NFE2L3: variants seen among roughly 807,000 people sequenced by gnomAD.
The protein encoded by NFE2L3 is NFE2 like bZIP transcription factor 3.
Under a neutral mutation model 23.5 loss-of-function variants are expected in NFE2L3, and 18 were observed. The observed-to-expected ratio is 0.77, with a 90% CI of 0.53 to 1.13. NFE2L3 has a LOEUF of 1.13. NFE2L3 is among the 50% of genes most tolerant of loss of function. The pLI, the probability that NFE2L3 is intolerant of heterozygous loss-of-function variation, is 0.00. For synonymous variants in NFE2L3, 424 were observed against 354.5 expected (o/e 1.20, Z -2.20); for missense variants, 1,152 against 877.2 (o/e 1.31, Z -3.96).
At chr7:26,184,076 A>C (rs1782409508) in intron 3 of NFE2L3, 1 of 428,214 alleles carries the variant, frequency 2.3e-6, no homozygotes, top group Non-Finnish European at 4.2e-6. Flanking sequence ...TATCAAAGGG[A>C]CACCTGCACC....
intron 1 of NFE2L3, among the ~76,000 whole-genome samples, chr7:26,170,163 TG>T (rs1293139771): frequency 1.3e-5 from 2 of 152,184 alleles, no homozygotes; most frequent in African/African-American, 4.8e-5. Flanking sequence ...GTGTCAGAGC[TG>T]GAAGGGGCCC....
At chr7:26,163,401 CA>C (rs1784201352) in intron 1 of NFE2L3, among the ~76,000 whole-genome samples, 1 of 152,154 alleles carries the variant, frequency 6.6e-6, no homozygotes, top group Non-Finnish European at 1.5e-5. Flanking sequence ...GGCTGGGGTG[CA>C]ATGGCGCGAT....
At chr7:26,166,034 G>A (rs1219699938) in intron 1 of NFE2L3, among the ~76,000 whole-genome samples, 1 of 151,304 alleles carries the variant, frequency 6.6e-6, no homozygotes, top group Non-Finnish European at 1.5e-5. Context: ...TGATAAAGTA[G>A]TATTCAAGCA....
intron 3 of NFE2L3, chr7:26,184,169 T>C: frequency 3.0e-6 from 1 of 335,462 alleles, no homozygotes; most frequent in Non-Finnish European, 5.5e-6. Flanking sequence ...TCCTCCAGAC[T>C]ACTTCACTGT....
At chr7:26,178,807 C>T (rs1784459316) in intron 2 of NFE2L3, among the ~76,000 whole-genome samples, 1 of 152,248 alleles carries the variant, frequency 6.6e-6, no homozygotes. Context: ...CAAACAGGCA[C>T]TCGAGATATT....
At chr7:26,183,453 C>G (rs1782381891) in intron 2 of NFE2L3, among the ~76,000 whole-genome samples, 1 of 150,026 alleles carries the variant, frequency 6.7e-6, no homozygotes, top group African/African-American at 2.4e-5. Context: ...GAGGCTAAGG[C>G]AGGAGAATCC....
intron 2 of NFE2L3, among the ~76,000 whole-genome samples, chr7:26,181,341 G>A (rs1784504966): frequency 6.6e-6 from 1 of 152,104 alleles, no homozygotes; most frequent in Admixed American, 6.5e-5. Flanking sequence ...CTTAGTAGGT[G>A]CTTTTAAAGC....
Position 26,152,214 on chromosome 7 carries a change from G to C in NFE2L3, c.-285G>C. On this transcript the variant is annotated 5_prime_UTR_variant, in exon 1 of 4. Transcript: ENST00000056233. This position sits in a 1 kb window ranked among gnomAD's most constrained non-coding sequence, Gnocchi z 4.4. Reference sequence around the variant, plus strand: ...GCCGGGGGCGGAGCTTGGCCACCGCGCCGGGCTGCGGGCGGCTGGGCGAAC... The same window carrying C: ...GCCGGGGGCGGAGCTTGGCCACCGCCCCGGGCTGCGGGCGGCTGGGCGAAC... 1 of 180,646 alleles carries C rather than the reference G, an allele frequency of 5.5e-6. No homozygotes were observed. 11.2% of individuals were successfully genotyped at this position (180,646 alleles called of 1,614,324 possible).
intron 1 of NFE2L3, among the ~76,000 whole-genome samples, chr7:26,159,652 C>A (rs1197397069): frequency 6.6e-6 from 1 of 152,152 alleles, no homozygotes; most frequent in Non-Finnish European, 1.5e-5. Flanking sequence ...GAAAGTAGGT[C>A]AGATCTGAAA....
intron 1 of NFE2L3, among the ~76,000 whole-genome samples, chr7:26,171,968 T>C (rs896561840): frequency 6.6e-6 from 1 of 152,270 alleles, no homozygotes; most frequent in Non-Finnish European, 1.5e-5. Flanking sequence ...TGACTGACTG[T>C]ATCTCAAATA....
intron 2 of NFE2L3, among the ~76,000 whole-genome samples, chr7:26,181,399 T>C (rs1784506549): frequency 6.6e-6 from 1 of 152,154 alleles, no homozygotes; most frequent in African/African-American, 2.4e-5. Flanking sequence ...TCACTGGCAT[T>C]TCCATTCTTC....
chr7:26,155,912 C>T (rs1331068278), intron 1 of NFE2L3, among the ~76,000 whole-genome samples: 1 of 152,110 alleles, frequency 6.6e-6, no homozygotes, highest in Non-Finnish European at 1.5e-5. Flanking sequence ...GTGGGAAAAG[C>T]CCATGGGAAG....
chr7:26,169,120 G>A (rs1424572743), intron 1 of NFE2L3, among the ~76,000 whole-genome samples: 1 of 152,134 alleles, frequency 6.6e-6, no homozygotes, highest in East Asian at 1.9e-4. Flanking sequence ...AATTCCGTAG[G>A]CCTTTTTTAC....
chr7:26,170,199 C>A (rs1223915672), intron 1 of NFE2L3, among the ~76,000 whole-genome samples: 2 of 152,282 alleles, frequency 1.3e-5, no homozygotes, highest in Admixed American at 6.5e-5. Context: ...GTTTTCAAGA[C>A]TGATGTGACA....
intron 1 of NFE2L3, among the ~76,000 whole-genome samples, chr7:26,171,524 A>C (rs959870304): frequency 6.6e-6 from 1 of 152,022 alleles, no homozygotes; most frequent in Non-Finnish European, 1.5e-5. Context: ...AGCCTGGGCA[A>C]CAAGATCAAA....
intron 1 of NFE2L3, among the ~76,000 whole-genome samples, chr7:26,171,379 A>G (rs532586417): frequency 6.6e-6 from 1 of 152,248 alleles, no homozygotes; most frequent in Non-Finnish European, 1.5e-5. Flanking sequence ...CCTCGTTTCT[A>G]CTAAAAATAC....
At chr7:26,154,377 G>C (rs1241146933) in intron 1 of NFE2L3, among the ~76,000 whole-genome samples, 1 of 152,176 alleles carries the variant, frequency 6.6e-6, no homozygotes, top group Non-Finnish European at 1.5e-5. Context: ...ACACAGAGTT[G>C]AAACCTAGTG....
chr7:26,171,133 C>A (rs1784323145), intron 1 of NFE2L3, among the ~76,000 whole-genome samples: 1 of 152,182 alleles, frequency 6.6e-6, no homozygotes, highest in Admixed American at 6.5e-5. Context: ...CACACATATC[C>A]ATTGACCCAG....
At chr7:26,184,454 G>T in intron 3 of NFE2L3, 79 bp from the exon 4 acceptor site, 1 of 1,328,574 alleles carries the variant, frequency 7.5e-7, no homozygotes, top group Non-Finnish European at 1.0e-6. Context: ...CAAAAGAGGG[G>T]AAAGAAAGTT....
Sources: allele counts gnomAD v4.1 joint callset (sites outside exome capture counted in the v4.1 genomes callset), GRCh38; gene constraint gnomAD v4.1.1; non-coding constraint Gnocchi (gnomAD v3.1); transcripts MANE v1.5; gene names NCBI Gene and HGNC (gene_info 2026-07-23, HGNC 2026-07-21).